Variants in CNTNAP5 observed in about 807,000 individuals in gnomAD.
CNTNAP5 encodes contactin-associated protein-like 5.
CNTNAP5 carries 72 observed loss-of-function variants against 150.2 expected under a neutral mutation model. The observed-to-expected ratio is 0.48, with a 90% confidence interval of 0.40 to 0.58. The LOEUF (loss-of-function observed/expected upper bound fraction) is 0.58. Ranked by LOEUF, CNTNAP5 falls within the 20% of genes least tolerant of loss-of-function variation. The pLI, the probability that CNTNAP5 is intolerant of heterozygous loss-of-function variation, is 0.00. For synonymous variants in CNTNAP5, 672 were observed against 619.8 expected (o/e 1.08, Z -1.25); for missense variants, 1,636 against 1,626.2 (o/e 1.01, Z -0.10).
chr2:124,653,125 C>A (rs1678357190), intron 13 of CNTNAP5, among the ~76,000 whole-genome samples: 1 of 152,194 alleles, frequency 6.6e-6, no homozygotes, highest in South Asian at 2.1e-4. Flanking sequence ...GTTTACCTAC[C>A]AGTAACATGC....
chr2:124,643,734 G>A (rs976999541), intron 12 of CNTNAP5, among the ~76,000 whole-genome samples: 2 of 152,184 alleles, frequency 1.3e-5, no homozygotes, highest in Non-Finnish European at 2.9e-5. Flanking sequence ...TTCTATGGAT[G>A]CAAAGATTGG....
At chr2:124,697,096 A>T (rs1186617811) in intron 13 of CNTNAP5, among the ~76,000 whole-genome samples, 1 of 152,050 alleles carries the variant, frequency 6.6e-6, no homozygotes, top group Non-Finnish European at 1.5e-5. Context: ...GATTTTTTTA[A>T]AAAAAATCTT....
rs17011049 is a variant in CNTNAP5 at position 124,187,247 on chromosome 2, C to T, written c.83-34458C>T. Among the ~76,000 whole-genome samples the T allele has an allele frequency of 6.9e-3, 1,049 of 152,280 alleles. 64 individuals are homozygous for T. In the East Asian group the frequency reaches 0.16, roughly 23 times the overall value. On this transcript the variant is annotated intron_variant, in intron 1 of 23. Coordinates refer to ENST00000682447, the MANE Select transcript of CNTNAP5 (RefSeq NM_001367498.1). The stretch of plus-strand genomic sequence containing the variant: ...AGACATGATTATGCTTTGGTTATAT[C>T]TCATGACATCACATTGCAATAAATA...
At chr2:124,688,420 A>T (rs1325238655) in intron 13 of CNTNAP5, among the ~76,000 whole-genome samples, 1 of 152,070 alleles carries the variant, frequency 6.6e-6, no homozygotes, top group African/African-American at 2.4e-5. Context: ...TATTATTTTC[A>T]TAAATTTGCT....
intron 3 of CNTNAP5, among the ~76,000 whole-genome samples, chr2:124,328,475 C>T (rs1689273367): frequency 6.6e-6 from 1 of 152,036 alleles, no homozygotes; most frequent in Admixed American, 6.6e-5. Flanking sequence ...TTTTTTGTCC[C>T]CTAAATTAGT....
At chr2:124,124,044 C>T (rs942975110) in intron 1 of CNTNAP5, among the ~76,000 whole-genome samples, 2 of 152,124 alleles carry the variant, frequency 1.3e-5, no homozygotes, top group African/African-American at 4.8e-5. Context: ...CGGAACAAAG[C>T]TGGATGGAGA....
At chr2:124,744,050 G>C (rs1474725177) in intron 13 of CNTNAP5, among the ~76,000 whole-genome samples, 1 of 152,118 alleles carries the variant, frequency 6.6e-6, no homozygotes, top group Admixed American at 6.5e-5. Flanking sequence ...CACACTTGCT[G>C]TCCTTAGCCT....
chr2:124,066,286 A>G (rs993045110), intron 1 of CNTNAP5, among the ~76,000 whole-genome samples: 1 of 152,202 alleles, frequency 6.6e-6, no homozygotes, highest in East Asian at 1.9e-4. Context: ...TTTAGTCTTG[A>G]TCAGAACAAA....
chr2:124,758,274 A>G (rs967804058), intron 14 of CNTNAP5, among the ~76,000 whole-genome samples: 14 of 152,226 alleles, frequency 9.2e-5, no homozygotes, highest in African/African-American at 1.9e-4. Flanking sequence ...CTGAGTGTAC[A>G]GGACAAGTCA....
chr2:124,674,509 C>CTT (rs1553430171), intron 13 of CNTNAP5, among the ~76,000 whole-genome samples: 13,237 of 115,072 alleles, frequency 0.12, 1,020 homozygotes, highest in Non-Finnish European at 0.14. Context: ...TTCTTTCTTT[C>CTT]TCTTTCTTTC....
At chr2:124,441,780 A>T (rs1446462951) in intron 5 of CNTNAP5, among the ~76,000 whole-genome samples, 1 of 151,888 alleles carries the variant, frequency 6.6e-6, no homozygotes, top group East Asian at 1.9e-4. Flanking sequence ...TTGTGAACAT[A>T]AGTTTAAGTC....
intron 2 of CNTNAP5, among the ~76,000 whole-genome samples, chr2:124,230,173 C>A (rs1467268303): frequency 6.6e-6 from 1 of 152,152 alleles, no homozygotes; most frequent in Non-Finnish European, 1.5e-5. Context: ...CCCCATACCA[C>A]TTCCTTGGGC....
chr2:124,287,848 G>A (rs112489420), intron 3 of CNTNAP5, among the ~76,000 whole-genome samples: 2 of 152,120 alleles, frequency 1.3e-5, no homozygotes, highest in African/African-American at 4.8e-5. Flanking sequence ...TTGCTTTAGT[G>A]TTCAGAAACA....
intron 1 of CNTNAP5, among the ~76,000 whole-genome samples, chr2:124,026,559 G>T (rs1320897099): frequency 2.0e-5 from 3 of 152,214 alleles, no homozygotes; most frequent in Non-Finnish European, 2.9e-5. Context: ...AGCTATGAGA[G>T]GTTCAGGCTC....
chr2:124,750,633 AG>A (rs1680703728), intron 14 of CNTNAP5, among the ~76,000 whole-genome samples: 1 of 152,138 alleles, frequency 6.6e-6, no homozygotes, highest in South Asian at 2.1e-4. Flanking sequence ...AACACTGGAA[AG>A]AAAATGCTAT....
chr2:124,606,659 C>A lies in CNTNAP5; in HGVS notation c.1757-3142C>A, dbSNP rs979850405. Among the ~76,000 whole-genome samples, 4 of 152,178 alleles carry A rather than the reference C, an allele frequency of 2.6e-5. No homozygotes were observed. In the East Asian group the frequency reaches 5.8e-4, roughly 22 times the overall value. On this transcript the variant is annotated intron_variant, in intron 11 of 23. Transcript: ENST00000682447. The stretch of plus-strand genomic sequence containing the variant: ...CAGTTCCCCATGGCTGGGAAAACCT[C>A]ACAATCATGGCAGAGGGCAAGGAGG...
At chr2:124,600,190 T>G (rs926995206) in intron 11 of CNTNAP5, among the ~76,000 whole-genome samples, 2 of 57,858 alleles carry the variant, frequency 3.5e-5, no homozygotes, top group East Asian at 3.0e-4. Flanking sequence ...TAGTAAATGG[T>G]TTTTTTTTTA....
intron 13 of CNTNAP5, among the ~76,000 whole-genome samples, chr2:124,739,650 T>G (rs1423893558): frequency 6.6e-6 from 1 of 152,186 alleles, no homozygotes; most frequent in African/African-American, 2.4e-5. Flanking sequence ...AACAGTCATT[T>G]CCTAAAGACG....
intron 12 of CNTNAP5, among the ~76,000 whole-genome samples, chr2:124,639,312 T>G (rs1678041509): frequency 6.6e-6 from 1 of 152,200 alleles, no homozygotes; most frequent in Non-Finnish European, 1.5e-5. Context: ...CTCATTCATC[T>G]TGTGATGAGC....
Sources: gnomAD v4.1 joint callset for allele counts (sites outside exome capture counted in the v4.1 genomes callset) on GRCh38, gnomAD v4.1.1 for gene constraint, MANE v1.5 for transcripts, NCBI Gene and HGNC (gene_info 2026-07-23, HGNC 2026-07-21) for gene names.